MAEA: variants seen among roughly 807,000 people sequenced by gnomAD.
The protein encoded by MAEA is macrophage erythroblast attacher, E3 ubiquitin ligase.
Under a neutral mutation model 46.2 loss-of-function variants are expected in MAEA, and 22 were observed. That is an observed-to-expected ratio of 0.48 (90% confidence interval 0.34 to 0.68). The LOEUF (loss-of-function observed/expected upper bound fraction) is 0.68. MAEA is among the 30% of genes least tolerant of loss of function. The pLI is 0.01. For missense variants in MAEA, 393 were observed against 558.1 expected (o/e 0.70, Z 2.98); for synonymous variants, 246 against 222.6 (o/e 1.11, Z -0.94).
At chr4:1,310,827 G>C (rs1192857256) in intron 1 of MAEA, among the ~76,000 whole-genome samples, 3 of 152,160 alleles carry the variant, frequency 2.0e-5, no homozygotes, top group East Asian at 1.9e-4. Flanking sequence ...CCCTGCTTTC[G>C]GGGGGAAAGT....
chr4:1,304,322 G>A (rs917888736), intron 1 of MAEA, among the ~76,000 whole-genome samples: 4 of 152,030 alleles, frequency 2.6e-5, no homozygotes, highest in Admixed American at 2.0e-4. Context: ...TTGTAGAGAC[G>A]GGGGTGTCTC....
chr4:1,323,432 A>T (rs1380930687), intron 4 of MAEA: 5 of 701,296 alleles, frequency 7.1e-6, no homozygotes, highest in Admixed American at 2.0e-5. Context: ...CTTTAACCTC[A>T]CCCTGGCTGA....
chr4:1,315,918 GTGTC>G (rs1425384097), intron 3 of MAEA, among the ~76,000 whole-genome samples: 9 of 129,948 alleles, frequency 6.9e-5, no homozygotes, highest in Non-Finnish European at 3.1e-5. Context: ...CCCCGTGTGT[GTGTC>G]TGCGCTGTGG....
chr4:1,298,226 T>G (rs11729031), intron 1 of MAEA: 1 of 378,054 alleles, frequency 2.6e-6, no homozygotes, highest in Non-Finnish European at 5.4e-6. Context: ...TGCTCACTGT[T>G]TCCTTTCTTT....
At chr4:1,320,798 C>A (rs948040890) in intron 3 of MAEA, among the ~76,000 whole-genome samples, 2 of 151,370 alleles carry the variant, frequency 1.3e-5, no homozygotes, top group Non-Finnish European at 1.5e-5. Context: ...GAAAAGAAAT[C>A]ATCAAAGCAA....
At chr4:1,325,977 G>A (rs1738760507) in intron 4 of MAEA, among the ~76,000 whole-genome samples, 1 of 152,020 alleles carries the variant, frequency 6.6e-6, no homozygotes, top group African/African-American at 2.4e-5. Context: ...GGTGATGAGG[G>A]GCTGAGGGTA....
At chr4:1,307,258 A>G (rs1735920569) in intron 1 of MAEA, among the ~76,000 whole-genome samples, 1 of 152,180 alleles carries the variant, frequency 6.6e-6, no homozygotes, top group Admixed American at 6.5e-5. Flanking sequence ...TACCATCTAT[A>G]TCACCATGAC....
chr4:1,305,371 G>A (rs962826518), intron 1 of MAEA, among the ~76,000 whole-genome samples: 2 of 152,204 alleles, frequency 1.3e-5, no homozygotes, highest in Middle Eastern at 3.2e-3. Flanking sequence ...TCCAGGCGGC[G>A]CGGCCCTCCG....
intron 4 of MAEA, 22 bp from the exon 5 acceptor site, chr4:1,327,605 C>T: frequency 6.3e-7 from 1 of 1,599,232 alleles, no homozygotes; most frequent in Middle Eastern, 1.7e-4. Flanking sequence ...TGTCTAAGCC[C>T]TCGTCTTGTC....
chr4:1,306,954 C>T (rs1410135114), intron 1 of MAEA, among the ~76,000 whole-genome samples: 1 of 152,132 alleles, frequency 6.6e-6, no homozygotes, highest in Non-Finnish European at 1.5e-5. Flanking sequence ...GCCTTGGCCC[C>T]TTGGCTGTAT....
chr4:1,329,443 A>AGGGG, intron 5 of MAEA: 1 of 985,388 alleles, frequency 1.0e-6, no homozygotes, highest in Non-Finnish European at 1.2e-6. Context: ...CGTCTGTTGC[A>AGGGG]GGGGAGCAGG....
At chr4:1,303,914 G>T (rs187775450) in intron 1 of MAEA, among the ~76,000 whole-genome samples, 19,410 of 135,682 alleles carry the variant, frequency 0.14, 2,989 homozygotes, top group East Asian at 0.41. Flanking sequence ...GGTGGGGGTC[G>T]GGCAGGGCAG....
At chr4:1,317,850 A>G (rs1708627423) in intron 3 of MAEA, among the ~76,000 whole-genome samples, 1 of 152,138 alleles carries the variant, frequency 6.6e-6, no homozygotes, top group Non-Finnish European at 1.5e-5. Context: ...TCTCCAGGTC[A>G]TGACTCGCAG....
At chr4:1,299,480 T>C (rs1735102233) in intron 1 of MAEA, 1 of 152,930 alleles carries the variant, frequency 6.5e-6, no homozygotes, top group South Asian at 2.0e-4. Flanking sequence ...GCTCTGCTCA[T>C]GCCCACCCCG....
chr4:1,303,523 G>C lies in MAEA; in HGVS notation c.70-8456G>C, dbSNP rs1399376500. Among the ~76,000 whole-genome samples the C allele has an allele frequency of 2.6e-5, 4 of 152,244 alleles. No individual in the cohort carries two copies. The East Asian group carries it at 7.7e-4, about 29-fold the overall frequency. On this transcript the variant is annotated intron_variant, in intron 1 of 8. Transcript: ENST00000303400. ...ATTCAGCCATGAAGAGGAGTGGAGC[G>C]TCGCTGTATGCCACATCACAGGTGA... is the stretch of plus-strand genomic sequence containing the variant.
chr4:1,322,169 G>A (rs192944208), intron 3 of MAEA, among the ~76,000 whole-genome samples: 10 of 152,270 alleles, frequency 6.6e-5, no homozygotes, highest in South Asian at 4.1e-4. Context: ...CTACGTGAGC[G>A]TCCGACCTTT....
chr4:1,300,142 T>G (rs946196996), intron 1 of MAEA, among the ~76,000 whole-genome samples: 1 of 152,040 alleles, frequency 6.6e-6, no homozygotes. Context: ...CACATCCCAT[T>G]CACCATAACC....
intron 7 of MAEA, chr4:1,338,161 C>T (rs113130603): frequency 1.2e-4 from 52 of 438,794 alleles, no homozygotes; most frequent in African/African-American, 8.0e-4. Context: ...CGGCGGGCGA[C>T]GGAGCCACTC....
chr4:1,325,081 GCTGT>G (rs1738631868), intron 4 of MAEA, among the ~76,000 whole-genome samples: 1 of 152,214 alleles, frequency 6.6e-6, no homozygotes, highest in African/African-American at 2.4e-5. Flanking sequence ...GGGGTACACG[GCTGT>G]CTGTGCAGTC....
Sources: allele counts gnomAD v4.1 joint callset (sites outside exome capture counted in the v4.1 genomes callset), GRCh38; gene constraint gnomAD v4.1.1; transcripts MANE v1.5; gene names NCBI Gene and HGNC (gene_info 2026-07-23, HGNC 2026-07-21).